The following NRP1 variants were observed in gnomAD, a reference collection of about 807,000 sequenced individuals.
NRP1 encodes the protein neuropilin-1.
Under a neutral mutation model 106.7 loss-of-function variants are expected in NRP1, and 35 were observed. That is an observed-to-expected ratio of 0.33 (90% CI 0.25 to 0.43). NRP1 has a LOEUF of 0.43. Ranked by LOEUF, NRP1 falls within the 20% of genes least tolerant of loss-of-function variation. The pLI, the probability that NRP1 is intolerant of heterozygous loss-of-function variation, is 1.00. For missense variants in NRP1, 1,024 were observed against 1,170.4 expected, an observed-to-expected ratio of 0.87 and a Z score of 1.83; for synonymous variants, 437 against 417.9, an observed-to-expected ratio of 1.05 and a Z score of -0.56.
intron 2 of NRP1, among the ~76,000 whole-genome samples, chr10:33,319,263 C>T (rs1264128304): frequency 2.0e-5 from 3 of 152,014 alleles, no homozygotes; most frequent in African/African-American, 4.8e-5. Flanking sequence ...GCCTCAGCCT[C>T]CCAAAGTGCT....
intron 13 of NRP1, among the ~76,000 whole-genome samples, chr10:33,189,239 G>A (rs1836243329): frequency 6.6e-6 from 1 of 152,044 alleles, no homozygotes; most frequent in African/African-American, 2.4e-5. Context: ...CAATTTCCTT[G>A]TCAATCTCAT....
At chr10:33,251,923 G>A (rs1042634820) in intron 6 of NRP1, among the ~76,000 whole-genome samples, 3 of 152,086 alleles carry the variant, frequency 2.0e-5, no homozygotes, top group Non-Finnish European at 4.4e-5. Flanking sequence ...GGTAGAGAAA[G>A]GAGAGTCCCT....
At position 33,179,362 on chromosome 10, in the gene NRP1, T is replaced by C. The variant is rs1835537680; in HGVS notation, c.*714A>G. ...ACATAGACTAGCCAGTGCCAAGGAT[T>C]TGTGTTTTTGTTGTTGCGGTTGTCA... On this transcript the variant is annotated 3_prime_UTR_variant, in exon 17 of 17. Coordinates refer to ENST00000374867, the MANE Select transcript of NRP1 (RefSeq NM_003873.7). 2 of 152,606 alleles carry C rather than the reference T, an allele frequency of 1.3e-5. No homozygotes were observed. Among genetic ancestry groups the C allele is most frequent in the African/African-American group, 4.8e-5 (2 of 41,424 alleles). 9.5% of individuals were successfully genotyped at this position (152,606 alleles called of 1,614,324 possible).
Position 33,185,617 on chromosome 10 carries a change from C to G in NRP1, c.2431+11G>C, listed in dbSNP as rs1835953298. The G allele has an allele frequency of 6.3e-7, 1 of 1,592,374 alleles. No homozygotes were observed. The highest frequency in any genetic ancestry group is 1.3e-5 in the African/African-American group (1 of 74,520). Reference sequence around the variant, plus strand: ...AGCACTCCATTGGTTTCTACAGCAGCTCATACTTACTTGCACAATCTTCTT... The same window carrying G: ...AGCACTCCATTGGTTTCTACAGCAGGTCATACTTACTTGCACAATCTTCTT... On this transcript the variant is annotated intron_variant, in intron 15 of 16. Coordinates refer to ENST00000374867, the MANE Select transcript of NRP1 (RefSeq NM_003873.7).
At chr10:33,203,904 C>T (rs1259051623) in intron 10 of NRP1, among the ~76,000 whole-genome samples, 1 of 93,158 alleles carries the variant, frequency 1.1e-5, no homozygotes, top group Non-Finnish European at 2.5e-5. Flanking sequence ...CCGCGCCCGG[C>T]TAATTTTTTG....
intron 1 of NRP1, among the ~76,000 whole-genome samples, chr10:33,332,039 C>T (rs1430789884): frequency 6.6e-6 from 1 of 151,884 alleles, no homozygotes; most frequent in African/African-American, 2.4e-5. Flanking sequence ...TATAAATCTA[C>T]AGAATTTTAT....
Position 33,230,008 on chromosome 10 carries a change from A to G in NRP1, c.982-3719T>C, listed in dbSNP as rs139394942. On this transcript the variant is annotated intron_variant, in intron 6 of 16. Transcript: ENST00000374867. ...AGTAAGGATGGATGACAACCTCACAAAGTGATTAGGACTGGGGCTTGAACC... is the reference window on the plus strand; with the variant it reads ...AGTAAGGATGGATGACAACCTCACAGAGTGATTAGGACTGGGGCTTGAACC... Among the ~76,000 whole-genome samples, 85 of 152,260 alleles carry G rather than the reference A, an allele frequency of 5.6e-4. 2 individuals are homozygous for G. The East Asian group carries it at 0.014, about 26-fold the overall frequency.
chr10:33,305,109 A>C (rs1044169697), intron 2 of NRP1, among the ~76,000 whole-genome samples: 1 of 152,250 alleles, frequency 6.6e-6, no homozygotes, highest in Non-Finnish European at 1.5e-5. Flanking sequence ...TCAATGATTT[A>C]GTGTGATCTC....
rs114128586 is a variant in NRP1 at position 33,223,042 on chromosome 10, G to T, written c.1138-1179C>A. ...TTCTGCCTTGGGTTGGGAACAGCCC[G>T]TGGGATGGTGATGTTTCTCAGTCCT... On this transcript the variant is annotated intron_variant, in intron 7 of 16. Transcript: ENST00000374867. Among the ~76,000 whole-genome samples, 826 of 152,288 alleles carry T rather than the reference G, an allele frequency of 5.4e-3. 10 individuals are homozygous for T. The highest frequency in any genetic ancestry group is 0.018 in the African/African-American group (766 of 41,562).
chr10:33,307,565 T>C (rs886241051), intron 2 of NRP1, among the ~76,000 whole-genome samples: 3 of 152,234 alleles, frequency 2.0e-5, no homozygotes, highest in Admixed American at 1.3e-4. Flanking sequence ...CCATGAATTA[T>C]CTTCTAAAGC....
intron 15 of NRP1, among the ~76,000 whole-genome samples, chr10:33,185,038 T>C (rs1835911510): frequency 6.6e-6 from 1 of 152,260 alleles, no homozygotes; most frequent in Non-Finnish European, 1.5e-5. Flanking sequence ...ATTGGTTTTC[T>C]ATGTCTTACA....
intron 2 of NRP1, among the ~76,000 whole-genome samples, chr10:33,301,847 A>G (rs573349094): frequency 6.6e-6 from 1 of 152,350 alleles, no homozygotes; most frequent in East Asian, 1.9e-4. Flanking sequence ...TTCTTGGGGA[A>G]TAAGTGTAGA....
At chr10:33,207,248 C>T (rs991194918) in intron 10 of NRP1, among the ~76,000 whole-genome samples, 2 of 152,066 alleles carry the variant, frequency 1.3e-5, no homozygotes, top group Non-Finnish European at 1.5e-5. Flanking sequence ...TGCTAACTGC[C>T]ACTGAGTTGT....
In NRP1 at chr10:33,246,749, A is replaced by G. The variant is rs143656229; in HGVS notation, c.981+7279T>C. On this transcript the variant is annotated intron_variant, in intron 6 of 16. Coordinates refer to ENST00000374867, the MANE Select transcript of NRP1 (RefSeq NM_003873.7). ...GTCAGTTCTCTACTTACAGATTTAT[A>G]AAGTATCATTTTAATGTAATTTTGG... Among the ~76,000 whole-genome samples, 132 of 152,330 alleles carry G rather than the reference A, an allele frequency of 8.7e-4. 2 individuals carry two copies. The highest frequency in any genetic ancestry group is 2.9e-3 in the African/African-American group (120 of 41,576).
Position 33,177,806 on chromosome 10 carries a change from A to T in NRP1, c.*2270T>A, listed in dbSNP as rs1011290378. 2.6e-5 allele frequency: 4 copies of T among 152,666 alleles called. No individual in the cohort carries two copies. Among genetic ancestry groups the T allele is most frequent in the Non-Finnish European group, 5.9e-5 (4 of 68,036 alleles). 9.5% of individuals were successfully genotyped at this position (152,666 alleles called of 1,614,324 possible). A position where few individuals can be genotyped will look rare whatever the true frequency, so the allele number is the denominator to read the frequency against. On this transcript the variant is annotated 3_prime_UTR_variant, in exon 17 of 17. Transcript: ENST00000374867. ...CAGAAAGTTTTATAGATTTCCATAA[A>T]GAAAAAATATGTTATTTTACACCTT...
intron 6 of NRP1, among the ~76,000 whole-genome samples, chr10:33,237,975 G>C (rs1840716707): frequency 1.3e-5 from 2 of 152,200 alleles, no homozygotes; most frequent in Admixed American, 6.5e-5. Flanking sequence ...AAACACTTTT[G>C]TATGGGCCTT....
intron 2 of NRP1, among the ~76,000 whole-genome samples, chr10:33,313,256 A>T (rs1266274366): frequency 6.6e-6 from 1 of 152,200 alleles, no homozygotes; most frequent in South Asian, 2.1e-4. Flanking sequence ...GTGAAATATG[A>T]GTAGGAAGGA....
chr10:33,290,003 G>A (rs935840723), intron 2 of NRP1, among the ~76,000 whole-genome samples: 11 of 152,144 alleles, frequency 7.2e-5, no homozygotes, highest in African/African-American at 9.7e-5. Flanking sequence ...AGCATTGTGC[G>A]CCCTGCTTTA....
intron 2 of NRP1, among the ~76,000 whole-genome samples, chr10:33,285,987 C>T (rs898702781): frequency 2.0e-5 from 3 of 152,154 alleles, no homozygotes; most frequent in South Asian, 2.1e-4. Flanking sequence ...CAATCTGTTC[C>T]GTCAACTATT....
Sources: allele counts gnomAD v4.1 joint callset (sites outside exome capture counted in the v4.1 genomes callset), GRCh38; gene constraint gnomAD v4.1.1; transcripts MANE v1.5; gene names NCBI Gene and HGNC (gene_info 2026-07-23, HGNC 2026-07-21).